The following NAALADL2 variants were observed in gnomAD, a reference collection of about 807,000 sequenced individuals.
NAALADL2 encodes the protein N-acetylated alpha-linked acidic dipeptidase like 2, also known as inactive N-acetylated-alpha-linked acidic dipeptidase-like protein 2.
In NAALADL2, 76 loss-of-function variants were observed where a neutral mutation model predicts 87.2. The ratio of observed to expected loss-of-function variants is 0.87; its 90% CI spans 0.72 to 1.05. NAALADL2 has a LOEUF of 1.05. Ranked by LOEUF, NAALADL2 falls within the 50% of genes least tolerant of loss-of-function variation. The pLI, the probability that NAALADL2 is intolerant of heterozygous loss-of-function variation, is 0.00. For missense variants in NAALADL2, 1,089 were observed against 945.8 expected (o/e 1.15, Z -1.99); for synonymous variants, 354 against 331.0 (o/e 1.07, Z -0.75).
At chr3:174,667,551 T>G (rs556747096) in intron 2 of NAALADL2, among the ~76,000 whole-genome samples, 111 of 111,106 alleles carry the variant, frequency 1.0e-3, no homozygotes, top group African/African-American at 3.5e-3. Flanking sequence ...GAGAGTTTTT[T>G]TTTTTTTTTT....
chr3:175,542,906 G>A (rs1331895466), intron 9 of NAALADL2, among the ~76,000 whole-genome samples: 1 of 152,106 alleles, frequency 6.6e-6, no homozygotes, highest in Admixed American at 6.6e-5. Context: ...GGAGGAAAAT[G>A]GGTAATAGAC....
intron 3 of NAALADL2, among the ~76,000 whole-genome samples, chr3:174,833,734 C>G (rs1032024930): frequency 1.3e-5 from 2 of 151,908 alleles, no homozygotes; most frequent in Non-Finnish European, 2.9e-5. Context: ...TTCCCAAATG[C>G]AAGTTTCATT....
In NAALADL2 at chr3:175,177,704, T is replaced by C. The variant is rs906081919; in HGVS notation, c.546-56227T>C. The stretch of plus-strand genomic sequence containing the variant: ...ACAAAAACCATAATAGGTCCTAGTA[T>C]ATCCCAACCACTCCTCTAAATATTT... On this transcript the variant is annotated intron_variant, in intron 2 of 13. Transcript: ENST00000454872. Among the ~76,000 whole-genome samples the C allele has an allele frequency of 5.3e-5, 8 of 152,240 alleles. No individual in the cohort carries two copies. The South Asian group carries it at 8.3e-4, about 16-fold the overall frequency.
At chr3:175,420,038 A>T (rs1715391109) in intron 5 of NAALADL2, among the ~76,000 whole-genome samples, 2 of 152,092 alleles carry the variant, frequency 1.3e-5, no homozygotes, top group South Asian at 4.1e-4. Context: ...CAGTCTTCTC[A>T]GATGCAAAAT....
chr3:175,314,660 T>C (rs13095917), intron 4 of NAALADL2, among the ~76,000 whole-genome samples: 1 of 70,562 alleles, frequency 1.4e-5, no homozygotes, highest in African/African-American at 4.9e-5. Context: ...GTATATATAG[T>C]TCTAACTATA....
At chr3:174,444,864 TATC>T (rs1714924982) in intron 1 of NAALADL2, among the ~76,000 whole-genome samples, 1 of 152,150 alleles carries the variant, frequency 6.6e-6, no homozygotes, top group African/African-American at 2.4e-5. Context: ...TGGCAACAAA[TATC>T]ATTTGAAAAT....
intron 11 of NAALADL2, among the ~76,000 whole-genome samples, chr3:175,710,686 G>A (rs1457797466): frequency 6.6e-6 from 1 of 151,084 alleles, no homozygotes; most frequent in Non-Finnish European, 1.5e-5. Flanking sequence ...TTTGAGATGT[G>A]CTTATATATG....
chr3:175,689,742 A>G (rs973396133), intron 11 of NAALADL2, among the ~76,000 whole-genome samples: 2 of 152,106 alleles, frequency 1.3e-5, no homozygotes, highest in Non-Finnish European at 2.9e-5. Flanking sequence ...TCATTCTAAC[A>G]TTCTTATTTT....
intron 10 of NAALADL2, 50 bp downstream of exon 10, chr3:175,576,237 T>G: frequency 6.6e-7 from 1 of 1,510,542 alleles, no homozygotes; most frequent in Non-Finnish European, 9.0e-7. Flanking sequence ...ATAGTAGACC[T>G]GCAGAATTTG....
chr3:175,549,827 A>G (rs989207233), intron 9 of NAALADL2, among the ~76,000 whole-genome samples: 1 of 152,076 alleles, frequency 6.6e-6, no homozygotes, highest in Non-Finnish European at 1.5e-5. Flanking sequence ...TCCTAGATCA[A>G]TCACTGACTG....
intron 5 of NAALADL2, among the ~76,000 whole-genome samples, chr3:175,376,462 T>A (rs1232268709): frequency 2.0e-5 from 3 of 152,180 alleles, no homozygotes; most frequent in African/African-American, 4.8e-5. Flanking sequence ...GACTTGTGGA[T>A]TACATTGTTT....
intron 1 of NAALADL2, among the ~76,000 whole-genome samples, chr3:175,083,760 T>G (rs1229979304): frequency 1.3e-5 from 2 of 152,198 alleles, no homozygotes; most frequent in Non-Finnish European, 2.9e-5. Flanking sequence ...GAAGGCTGAA[T>G]GAGTTAAAAT....
At chr3:175,250,281 GT>G in intron 3 of NAALADL2, among the ~76,000 whole-genome samples, 1 of 150,304 alleles carries the variant, frequency 6.7e-6, no homozygotes, top group South Asian at 2.1e-4. Flanking sequence ...GTGTGTGTGT[GT>G]GTGTGTGGTG....
At chr3:175,109,873 A>G (rs1723877384) in intron 2 of NAALADL2, among the ~76,000 whole-genome samples, 1 of 151,892 alleles carries the variant, frequency 6.6e-6, no homozygotes, top group Non-Finnish European at 1.5e-5. Context: ...CAGAAAGGGC[A>G]GGGGAGGAGC....
At chr3:174,523,771 C>T (rs185522000) in intron 1 of NAALADL2, among the ~76,000 whole-genome samples, 175 of 152,276 alleles carry the variant, frequency 1.1e-3, no homozygotes, top group Admixed American at 2.2e-3. Context: ...GACTTTACTA[C>T]TCCTAAATTG....
At chr3:174,836,092 C>T (rs1723299512) in intron 3 of NAALADL2, among the ~76,000 whole-genome samples, 1 of 152,030 alleles carries the variant, frequency 6.6e-6, no homozygotes. Context: ...TGGAAGCAAC[C>T]CAAAAGTCTA....
At chr3:174,971,665 C>CTT (rs1553906940) in intron 1 of NAALADL2, among the ~76,000 whole-genome samples, 9 of 144,722 alleles carry the variant, frequency 6.2e-5, no homozygotes, top group Non-Finnish European at 9.1e-5. Flanking sequence ...GTATGCTAGA[C>CTT]TGTGTGTGTG....
chr3:175,182,665 A>C (rs1736760366), intron 2 of NAALADL2, among the ~76,000 whole-genome samples: 1 of 147,604 alleles, frequency 6.8e-6, no homozygotes. Context: ...CCAAAGTGCA[A>C]GGATTACAGG....
intron 4 of NAALADL2, among the ~76,000 whole-genome samples, chr3:175,282,137 T>C (rs1331783034): frequency 6.6e-6 from 1 of 152,092 alleles, no homozygotes; most frequent in African/African-American, 2.4e-5. Flanking sequence ...AAAAATTTAA[T>C]GTTTTACAAA....
Sources: allele counts gnomAD v4.1 joint callset (sites outside exome capture counted in the v4.1 genomes callset), GRCh38; gene constraint gnomAD v4.1.1; transcripts MANE v1.5; gene names NCBI Gene and HGNC (gene_info 2026-07-23, HGNC 2026-07-21).